The following KCND2 variants were observed in gnomAD, a reference collection of about 807,000 sequenced individuals.
KCND2 encodes the protein A-type voltage-gated potassium channel KCND2.
Under a neutral mutation model 54.4 loss-of-function variants are expected in KCND2, and 16 were observed. The observed-to-expected ratio is 0.29, with a 90% CI of 0.20 to 0.45. KCND2 has a LOEUF of 0.45. KCND2 is among the 20% of genes least tolerant of loss of function. The pLI is 1.00. For synonymous variants in KCND2, 317 were observed against 310.7 expected (o/e 1.02, Z -0.21); for missense variants, 486 against 824.2 (o/e 0.59, Z 5.02).
chr7:120,690,780 A>G (rs981488014), intron 1 of KCND2, among the ~76,000 whole-genome samples: 1 of 152,202 alleles, frequency 6.6e-6, no homozygotes, highest in African/African-American at 2.4e-5. Flanking sequence ...CATAAAAGAG[A>G]CAAAACCTTT....
At chr7:120,328,472 C>G (rs1222548629) in intron 1 of KCND2, among the ~76,000 whole-genome samples, 1 of 152,050 alleles carries the variant, frequency 6.6e-6, no homozygotes, top group African/African-American at 2.4e-5. Flanking sequence ...TAGTAAATAT[C>G]AAAGTTGACA....
At chr7:120,415,541 C>T (rs992393575) in intron 1 of KCND2, among the ~76,000 whole-genome samples, 1 of 152,140 alleles carries the variant, frequency 6.6e-6, no homozygotes, top group African/African-American at 2.4e-5. Context: ...TTGTTCTGCT[C>T]CTACCTCTCT....
chr7:120,498,290 G>GC (rs1802879015), intron 1 of KCND2, among the ~76,000 whole-genome samples: 1 of 152,192 alleles, frequency 6.6e-6, no homozygotes, highest in African/African-American at 2.4e-5. Flanking sequence ...GACCATCCTG[G>GC]CTAACATGGT....
chr7:120,660,644 T>G (rs1243055994), intron 1 of KCND2, among the ~76,000 whole-genome samples: 1 of 152,234 alleles, frequency 6.6e-6, no homozygotes, highest in African/African-American at 2.4e-5. Flanking sequence ...TAAGGCTTGC[T>G]TATGTACAAA....
At position 120,274,934 on chromosome 7, in the gene KCND2, C is replaced by A. The variant is rs2116242599; in HGVS notation, c.302C>A (p.Thr101Asn). Residue 101 changes from threonine to asparagine, a missense_variant, in exon 1 of 6, where the codon ACT becomes AAT. Physicochemically the swap from Thr to Asn is moderately conservative, Grantham distance 65 (BLOSUM62 0). Coordinates refer to ENST00000331113, the MANE Select transcript of KCND2 (RefSeq NM_012281.3). ...CGCCACATCCTGAATTTCTACCGCA[C>A]TGGGAAGCTCCACTATCCTCGCCAC... ...IFRHILNFYR[T>N]GKLHYPRHEC... 6.2e-7 allele frequency: 1 copy of A among 1,614,126 alleles called. No individual in the cohort carries two copies. The highest frequency in any genetic ancestry group is 8.5e-7 in the Non-Finnish European group (1 of 1,180,028).
chr7:120,507,720 T>C (rs988078784), intron 1 of KCND2, among the ~76,000 whole-genome samples: 5 of 151,926 alleles, frequency 3.3e-5, no homozygotes, highest in Admixed American at 1.3e-4. Flanking sequence ...CTACACCTCC[T>C]GAATTTTCAG....
chr7:120,328,959 A>G (rs972698213), intron 1 of KCND2, among the ~76,000 whole-genome samples: 3 of 152,182 alleles, frequency 2.0e-5, no homozygotes, highest in Non-Finnish European at 4.4e-5. Context: ...ATATCTTGCT[A>G]TGAATTGTTC....
chr7:120,416,268 A>G (rs1801523661), intron 1 of KCND2, among the ~76,000 whole-genome samples: 1 of 152,134 alleles, frequency 6.6e-6, no homozygotes, highest in Non-Finnish European at 1.5e-5. Flanking sequence ...GCCTTTAATC[A>G]GCTGTTTAAT....
In KCND2 at chr7:120,274,423, C is replaced by T; in HGVS notation, c.-210C>T. On this transcript the variant is annotated 5_prime_UTR_variant, in exon 1 of 6. Transcript: ENST00000331113. ...ATTGTTAGGACGTTGTATTTTGTTG[C>T]CATTATTCCAAATACCTGTCTTGGA... 9.3e-6 allele frequency: 6 copies of T among 646,756 alleles called. No individual in the cohort carries two copies. The highest frequency in any genetic ancestry group is 1.4e-5 in the Non-Finnish European group (5 of 360,048). 40.1% of individuals were successfully genotyped at this position (646,756 alleles called of 1,614,324 possible). A position where few individuals can be genotyped will look rare whatever the true frequency, so the allele number is the denominator to read the frequency against.
At position 120,655,558 on chromosome 7, in the gene KCND2, A is replaced by G. The variant is rs79797633; in HGVS notation, c.1116-77345A>G. 3.0e-3 allele frequency among the ~76,000 whole-genome samples: 452 copies of G among 152,228 alleles called. 18 individuals are homozygous for G. In the East Asian group the frequency reaches 0.079, roughly 27 times the overall value. On this transcript the variant is annotated intron_variant, in intron 1 of 5. Transcript: ENST00000331113. ...ATATGCAGTAGTTGAAGGGGAATAT[A>G]GTAATAGCAAAAACATATTTCTTAA...
chr7:120,374,894 A>G (rs995487247), intron 1 of KCND2, among the ~76,000 whole-genome samples: 11 of 151,744 alleles, frequency 7.2e-5, no homozygotes, highest in South Asian at 2.1e-4. Context: ...AGCTTCACCA[A>G]TTGTCTTGTA....
intron 1 of KCND2, among the ~76,000 whole-genome samples, chr7:120,485,121 C>G (rs991062607): frequency 6.6e-6 from 1 of 152,104 alleles, no homozygotes. Flanking sequence ...CTCCTGGGCT[C>G]AAGTGATCCT....
chr7:120,728,293 T>C (rs1792761430), intron 1 of KCND2, among the ~76,000 whole-genome samples: 1 of 150,692 alleles, frequency 6.6e-6, no homozygotes, highest in South Asian at 2.1e-4. Flanking sequence ...TTTTTTTTTT[T>C]TTTTTTAAAA....
At chr7:120,432,635 TTTTG>T (rs748114426) in intron 1 of KCND2, among the ~76,000 whole-genome samples, 21 of 152,146 alleles carry the variant, frequency 1.4e-4, no homozygotes, top group Non-Finnish European at 3.1e-4. Context: ...GTTTTGGGTT[TTTTG>T]TTTGTTTGTT....
chr7:120,401,750 T>G (rs1046523985), intron 1 of KCND2, among the ~76,000 whole-genome samples: 11 of 152,182 alleles, frequency 7.2e-5, no homozygotes, highest in Non-Finnish European at 1.6e-4. Context: ...TGTTGTAGAT[T>G]TGCTTTGTTA....
intron 1 of KCND2, among the ~76,000 whole-genome samples, chr7:120,289,483 G>A (rs1799404224): frequency 6.6e-6 from 1 of 152,102 alleles, no homozygotes; most frequent in Non-Finnish European, 1.5e-5. Flanking sequence ...TGAGAAGCAA[G>A]TCTGAATTTT....
rs1298297334 is a variant in KCND2, at chr7:120,273,304, A to G, written c.-1329A>G. Among the ~76,000 whole-genome samples the G allele has an allele frequency of 6.6e-6, 1 of 151,114 alleles. No individual in the cohort carries two copies. Among genetic ancestry groups the G allele is most frequent in the Non-Finnish European group, 1.5e-5 (1 of 67,528 alleles). ...ACCCACTGGCGGGGAAGCAGCTAGC[A>G]GCCCTCCCGCGCCCCCGCGCTGCCG... is the stretch of plus-strand genomic sequence containing the variant. On this transcript the variant is annotated 5_prime_UTR_variant, in exon 1 of 6. Coordinates refer to ENST00000331113, the MANE Select transcript of KCND2 (RefSeq NM_012281.3).
chr7:120,570,711 T>A (rs574385214), intron 1 of KCND2, among the ~76,000 whole-genome samples: 1 of 152,244 alleles, frequency 6.6e-6, no homozygotes. Context: ...ACTACTCCAT[T>A]ATTTAGTATA....
chr7:120,592,175 C>G (rs10228326), intron 1 of KCND2, among the ~76,000 whole-genome samples: 14,897 of 152,040 alleles, frequency 0.098, 1,029 homozygotes, highest in African/African-American at 0.21. Context: ...CAGCCACATG[C>G]GACAATTCTG....
Sources: allele counts gnomAD v4.1 joint callset (sites outside exome capture counted in the v4.1 genomes callset), GRCh38; gene constraint gnomAD v4.1.1; transcripts MANE v1.5; gene names NCBI Gene and HGNC (gene_info 2026-07-23, HGNC 2026-07-21).